ABCC12: variants seen among roughly 807,000 people sequenced by gnomAD.
The protein encoded by ABCC12 is ATP-binding cassette sub-family C member 12.
In ABCC12, 142 loss-of-function variants were observed where a neutral mutation model predicts 151.1. The observed-to-expected ratio is 0.94, with a 90% CI of 0.82 to 1.08. ABCC12 has a LOEUF of 1.08. Among genes scored for constraint, ABCC12 ranks in the 50% least tolerant of loss-of-function variants. The pLI is 0.00. For synonymous variants in ABCC12, 645 were observed against 646.4 expected (o/e 1.00, Z 0.03); for missense variants, 1,638 against 1,691.1 (o/e 0.97, Z 0.55).
intron 2 of ABCC12, among the ~76,000 whole-genome samples, chr16:48,147,295 C>A (rs1239843644): frequency 6.6e-6 from 1 of 152,240 alleles, no homozygotes; most frequent in East Asian, 1.9e-4. Flanking sequence ...TTAGTCCTTT[C>A]CTGAGGCCTC....
chr16:48,102,826 C>T (rs1324866330), intron 22 of ABCC12, among the ~76,000 whole-genome samples: 1 of 152,212 alleles, frequency 6.6e-6, no homozygotes, highest in Non-Finnish European at 1.5e-5. Flanking sequence ...TCGCTCTCCA[C>T]CTTGAAATCA....
At chr16:48,139,621 C>G (rs1964736468) in intron 6 of ABCC12, among the ~76,000 whole-genome samples, 1 of 152,162 alleles carries the variant, frequency 6.6e-6, no homozygotes, top group African/African-American at 2.4e-5. Flanking sequence ...CAGTCTCCCC[C>G]ACCCCCTTCT....
At chr16:48,083,836 A>G (rs1020744477) in intron 30 of ABCC12, 35 bp from the exon 31 acceptor site, 2 of 1,613,950 alleles carry the variant, frequency 1.2e-6, no homozygotes, top group South Asian at 1.1e-5. Flanking sequence ...AAATCATCGG[A>G]AAATATCTAC....
chr16:48,127,639 T>C (rs1203563713), intron 11 of ABCC12, among the ~76,000 whole-genome samples: 1 of 152,192 alleles, frequency 6.6e-6, no homozygotes, highest in Non-Finnish European at 1.5e-5. Context: ...TCCTCAACCA[T>C]CAAGTAGGGG....
At chr16:48,106,253 T>G (rs2150608471) in intron 20 of ABCC12, among the ~76,000 whole-genome samples, 1 of 152,294 alleles carries the variant, frequency 6.6e-6, no homozygotes, top group East Asian at 1.9e-4. Context: ...GAGGAGACAC[T>G]CCTGTGCCTT....
At position 48,111,645 on chromosome 16, in the gene ABCC12, G is replaced by A. The variant is rs763292221; in HGVS notation, c.2142C>T (p.Tyr714=). The A allele has an allele frequency of 1.5e-5, 25 of 1,614,008 alleles. No individual in the cohort carries two copies. In the South Asian group the frequency reaches 2.5e-4, roughly 16 times the overall value. Reference sequence around the variant, plus strand: ...TGAAGGCTTCCACCATTGCTGCATTGTAAAGGTGTTCAGGATCCTGGAGAC... The same window carrying A: ...TGAAGGCTTCCACCATTGCTGCATTATAAAGGTGTTCAGGATCCTGGAGAC... ...GLQFKDPEHL[Y]NAAMVEAFKE... Residue 714 remains tyrosine (Y), a synonymous_variant, in exon 17 of 31, where the codon TAC becomes TAT. Transcript: ENST00000311303.
intron 12 of ABCC12, among the ~76,000 whole-genome samples, chr16:48,122,638 G>A (rs571973771): frequency 6.6e-6 from 1 of 152,284 alleles, no homozygotes; most frequent in African/African-American, 2.4e-5. Flanking sequence ...GGGCAAAGAA[G>A]GAGAGTCACC....
chr16:48,154,594 G>A (rs1332417750), intron 1 of ABCC12, among the ~76,000 whole-genome samples: 3 of 152,174 alleles, frequency 2.0e-5, no homozygotes, highest in Non-Finnish European at 4.4e-5. Context: ...CTTCCTTATA[G>A]TGTTTCCTGA....
At chr16:48,148,201 G>C (rs1309767739) in intron 2 of ABCC12, among the ~76,000 whole-genome samples, 1 of 150,500 alleles carries the variant, frequency 6.6e-6, no homozygotes, top group East Asian at 1.9e-4. Flanking sequence ...ACCTGTCTCA[G>C]CCTCCCAAAG....
Position 48,111,929 on chromosome 16 carries a change from G to A in ABCC12, c.1990-19C>T, listed in dbSNP as rs763819057. 14 of 1,609,970 alleles carry A rather than the reference G, an allele frequency of 8.7e-6. No homozygotes were observed. Among genetic ancestry groups the A allele is most frequent in the Admixed American group, 3.4e-5 (2 of 59,508 alleles). ...CTAAGAACTGCAGAAGTAAGTGATC[G>A]ACAATGAACTTCTGCCTGGAAAGGA... On this transcript the variant is annotated intron_variant, in intron 15 of 30. Transcript: ENST00000311303.
chr16:48,092,940 C>T (rs1460879437), intron 24 of ABCC12, among the ~76,000 whole-genome samples: 3 of 152,180 alleles, frequency 2.0e-5, no homozygotes, highest in South Asian at 2.1e-4. Context: ...ACGTGGAGAA[C>T]GCTATGGGTG....
rs909331610 is a variant in ABCC12, at chr16:48,087,951, G to C, written c.3610C>G (p.Pro1204Ala). The change falls in exon 27 of 31, where the codon CCT becomes GCT. Residue 1204 changes from proline to alanine, a missense_variant. Coordinates refer to ENST00000311303, the MANE Select transcript of ABCC12 (RefSeq NM_001393797.1). ...RTKLTVIPQDPVLFVGTVRYN... is the reference protein window; with the variant it reads ...RTKLTVIPQDAVLFVGTVRYN... ...CTTACTGTACCTACAAACAGGACAGGATCCTGTGGGATCACAGTCAGCTTG... is the reference window on the plus strand; with the variant it reads ...CTTACTGTACCTACAAACAGGACAGCATCCTGTGGGATCACAGTCAGCTTG... 6.2e-7 allele frequency: 1 copy of C among 1,614,056 alleles called. No homozygotes were observed. Among genetic ancestry groups the C allele is most frequent in the Non-Finnish European group, 8.5e-7 (1 of 1,179,964 alleles).
Position 48,111,820 on chromosome 16 carries a change from G to A in ABCC12, c.2080C>T (p.Arg694Cys), listed in dbSNP as rs781176204. The change falls in exon 16 of 31, where the codon CGC (arginine) becomes TGC (cysteine). Residue 694 changes from arginine (R) to cysteine (C), a missense_variant. Coordinates refer to ENST00000311303, the MANE Select transcript of ABCC12 (RefSeq NM_001393797.1). Reference sequence around the variant, plus strand: ...AGGTTGTGAATCAGTTTTGCATAGCGCCCTCTCTCCTCCATTAACTCCTTG... The same window carrying A: ...AGGTTGTGAATCAGTTTTGCATAGCACCCTCTCTCCTCCATTAACTCCTTG... ...THKELMEERGRYAKLIHNLRG... is the reference protein window; with the variant it reads ...THKELMEERGCYAKLIHNLRG... 90 of 1,613,912 alleles carry A rather than the reference G, an allele frequency of 5.6e-5. 1 individual carries two copies. In the South Asian group the frequency reaches 8.1e-4, roughly 15 times the overall value.
At chr16:48,151,254 C>T (rs550991919) in intron 2 of ABCC12, among the ~76,000 whole-genome samples, 3 of 152,252 alleles carry the variant, frequency 2.0e-5, no homozygotes, top group Non-Finnish European at 2.9e-5. Flanking sequence ...AACCTCATAA[C>T]GCCGGTCTAA....
At chr16:48,112,002 T>C in intron 15 of ABCC12, 92 bp from the exon 16 acceptor site, 1 of 1,472,022 alleles carries the variant, frequency 6.8e-7, no homozygotes, top group South Asian at 1.3e-5. Flanking sequence ...CTGTTGACTT[T>C]AGGGGCCAGA....
intron 11 of ABCC12, among the ~76,000 whole-genome samples, chr16:48,126,205 G>A (rs1290624424): frequency 6.6e-6 from 1 of 152,184 alleles, no homozygotes; most frequent in Non-Finnish European, 1.5e-5. Flanking sequence ...GGGCATTAAA[G>A]AGACCGCAGA....
intron 2 of ABCC12, 141 bp from the exon 3 acceptor site, chr16:48,146,615 G>C (rs562796428): frequency 1.7e-6 from 1 of 576,180 alleles, no homozygotes; most frequent in African/African-American, 1.9e-5. Flanking sequence ...CATTTGTAGG[G>C]GAGTGTGGCC....
At chr16:48,114,696 A>G (rs1597312614) in intron 15 of ABCC12, among the ~76,000 whole-genome samples, 1 of 152,194 alleles carries the variant, frequency 6.6e-6, no homozygotes, top group Non-Finnish European at 1.5e-5. Context: ...AGAGAGGGAG[A>G]TGGTCTGGAA....
intron 20 of ABCC12, 26 bp from the exon 21 acceptor site, chr16:48,105,362 C>T (rs1274781466): frequency 6.4e-7 from 1 of 1,574,488 alleles, no homozygotes; most frequent in South Asian, 1.1e-5. Context: ...AGAGAAGCAC[C>T]AAGAATTGAT....
Sources: gnomAD v4.1 joint callset for allele counts (sites outside exome capture counted in the v4.1 genomes callset) on GRCh38, gnomAD v4.1.1 for gene constraint, MANE v1.5 for transcripts, NCBI Gene and HGNC (gene_info 2026-07-23, HGNC 2026-07-21) for gene names.